The following NBEA variants were observed in gnomAD, a reference collection of about 807,000 sequenced individuals.
NBEA encodes the protein lysosomal-trafficking regulator 2.
NBEA carries 44 observed loss-of-function variants against 343.4 expected under a neutral mutation model. The ratio of observed to expected loss-of-function variants is 0.13; its 90% CI spans 0.10 to 0.16. The LOEUF is 0.16. Ranked by LOEUF, NBEA falls within the 10% of genes least tolerant of loss-of-function variation. The pLI, the probability that NBEA is intolerant of heterozygous loss-of-function variation, is 1.00. For missense variants in NBEA, 2,555 were observed against 3,631.3 expected (o/e 0.70, Z 7.62); for synonymous variants, 1,175 against 1,238.7 (o/e 0.95, Z 1.08).
intron 24 of NBEA, chr13:35,165,147 C>G: frequency 1.9e-6 from 1 of 532,464 alleles, no homozygotes; most frequent in Non-Finnish European, 3.9e-6. Context: ...CATACCTTTG[C>G]CAGAGGGAAA....
chr13:35,033,117 A>G (rs1414291608), intron 1 of NBEA, among the ~76,000 whole-genome samples: 1 of 151,556 alleles, frequency 6.6e-6, no homozygotes, highest in African/African-American at 2.4e-5. Context: ...ATGTGTTTTT[A>G]TAGTAGTTTC....
intron 1 of NBEA, among the ~76,000 whole-genome samples, chr13:34,977,370 G>A (rs1305856712): frequency 6.6e-6 from 1 of 151,438 alleles, no homozygotes; most frequent in African/African-American, 2.4e-5. Flanking sequence ...GTGCAAGGGT[G>A]TGATCTTGGC....
chr13:35,379,234 G>A (rs2041890312), intron 38 of NBEA, among the ~76,000 whole-genome samples: 1 of 151,968 alleles, frequency 6.6e-6, no homozygotes, highest in South Asian at 2.1e-4. Flanking sequence ...TACATTTTCT[G>A]TGATTTTCAT....
chr13:35,412,199 TTG>T (rs1289961211), intron 38 of NBEA, among the ~76,000 whole-genome samples: 1 of 152,146 alleles, frequency 6.6e-6, no homozygotes, highest in African/African-American at 2.4e-5. Flanking sequence ...GTAAGAGATT[TTG>T]TGTGTGTGCA....
At chr13:35,217,556 G>T (rs2074132177) in intron 33 of NBEA, among the ~76,000 whole-genome samples, 1 of 152,018 alleles carries the variant, frequency 6.6e-6, no homozygotes, top group Admixed American at 6.6e-5. Flanking sequence ...TAAGGTGTGA[G>T]GTTTAGGTTG....
intron 18 of NBEA, among the ~76,000 whole-genome samples, chr13:35,150,494 T>C (rs977900268): frequency 1.3e-5 from 2 of 152,320 alleles, no homozygotes; most frequent in Non-Finnish European, 2.9e-5. Flanking sequence ...GGTATCAATT[T>C]AATTTTTGTT....
intron 48 of NBEA, among the ~76,000 whole-genome samples, chr13:35,627,314 G>A (rs2083271395): frequency 1.3e-5 from 2 of 152,188 alleles, no homozygotes; most frequent in Non-Finnish European, 2.9e-5. Context: ...AATGACTGCA[G>A]TAAGTGAGAG....
At chr13:35,593,521 G>A in intron 47 of NBEA, 74 bp downstream of exon 47, 1 of 1,164,492 alleles carries the variant, frequency 8.6e-7, no homozygotes, top group Non-Finnish European at 1.2e-6. Context: ...AAGTGGGTAT[G>A]TATAAGACAT....
At chr13:35,651,961 AT>A in intron 53 of NBEA, 85 bp downstream of exon 53, 1 of 778,142 alleles carries the variant, frequency 1.3e-6, no homozygotes, top group Non-Finnish European at 2.1e-6. Flanking sequence ...GTTGAACAAT[AT>A]TTTTTCTACC....
At chr13:35,417,983 A>G (rs574358088) in intron 38 of NBEA, among the ~76,000 whole-genome samples, 1 of 152,160 alleles carries the variant, frequency 6.6e-6, no homozygotes, top group Admixed American at 6.5e-5. Flanking sequence ...TGATCCCTTT[A>G]CCATTATGTA....
intron 36 of NBEA, among the ~76,000 whole-genome samples, chr13:35,347,649 T>C (rs117046290): frequency 0.035 from 5,349 of 152,202 alleles, 139 homozygotes; most frequent in Non-Finnish European, 0.054. Context: ...TTAGTTATTA[T>C]AATCAATATT....
chr13:35,490,656 C>T (rs1397583470), intron 41 of NBEA, among the ~76,000 whole-genome samples: 1 of 151,918 alleles, frequency 6.6e-6, no homozygotes, highest in African/African-American at 2.4e-5. Flanking sequence ...CATCTTTAAA[C>T]AAGACAAAGA....
chr13:35,144,249 T>C (rs183369230), intron 18 of NBEA, among the ~76,000 whole-genome samples: 2 of 152,326 alleles, frequency 1.3e-5, no homozygotes, highest in Non-Finnish European at 2.9e-5. Flanking sequence ...TATGAATTTC[T>C]TCTAACCAAG....
At chr13:35,200,090 G>T (rs372379461) in intron 31 of NBEA, among the ~76,000 whole-genome samples, 1 of 152,102 alleles carries the variant, frequency 6.6e-6, no homozygotes, top group South Asian at 2.1e-4. Context: ...GAGGCAGAGA[G>T]AAATATTTAT....
rs1484327355 is a variant in NBEA at position 35,648,528 on chromosome 13, T to C, written c.7771-1127T>C. Among the ~76,000 whole-genome samples the C allele has an allele frequency of 4.6e-5, 7 of 152,268 alleles. No homozygotes were observed. The South Asian group carries it at 1.0e-3, about 23-fold the overall frequency. The stretch of plus-strand genomic sequence containing the variant: ...ATATTTATCCTGGAGATATGCCCAG[T>C]CAGAATTCATTACTTTCCTAGAGGA... On this transcript the variant is annotated intron_variant, in intron 51 of 58. Coordinates refer to ENST00000379939, the MANE Select transcript of NBEA (RefSeq NM_001385012.1).
At chr13:35,475,652 G>C in intron 41 of NBEA, 1 of 1,613,754 alleles carries the variant, frequency 6.2e-7, no homozygotes, top group Non-Finnish European at 8.5e-7. Context: ...TACCTATCTC[G>C]GATTCTCAGT....
chr13:35,566,874 A>G (rs35877639), intron 44 of NBEA, 31 bp from the exon 45 acceptor site: 391,924 of 1,250,952 alleles, frequency 0.31, 63,431 homozygotes, highest in African/African-American at 0.38. Flanking sequence ...TTTTGTGTGT[A>G]CAAATTTTTA....
intron 6 of NBEA, among the ~76,000 whole-genome samples, chr13:35,051,963 A>G (rs1236653326): frequency 6.6e-6 from 1 of 152,000 alleles, no homozygotes; most frequent in Non-Finnish European, 1.5e-5. Context: ...ACTTTAACCC[A>G]TTTGTTCTCA....
At chr13:34,991,811 C>G (rs141755448) in intron 1 of NBEA, among the ~76,000 whole-genome samples, 2 of 152,198 alleles carry the variant, frequency 1.3e-5, no homozygotes, top group East Asian at 3.9e-4. Context: ...GCCTGAAGAA[C>G]CTTATAAAAG....
Sources: allele counts gnomAD v4.1 joint callset (sites outside exome capture counted in the v4.1 genomes callset), GRCh38; gene constraint gnomAD v4.1.1; transcripts MANE v1.5; gene names NCBI Gene and HGNC (gene_info 2026-07-23, HGNC 2026-07-21).